TDRD5: variants seen among roughly 807,000 people sequenced by gnomAD.
TDRD5 encodes the protein tudor domain containing 5.
TDRD5 carries 41 observed loss-of-function variants against 120.6 expected under a neutral mutation model. The ratio of observed to expected loss-of-function variants is 0.34; its 90% CI spans 0.26 to 0.44. The LOEUF is 0.44. Ranked by LOEUF, TDRD5 falls within the 20% of genes least tolerant of loss-of-function variation. The pLI, the probability that TDRD5 is intolerant of heterozygous loss-of-function variation, is 1.00. For synonymous variants in TDRD5, 430 were observed against 433.7 expected (o/e 0.99, Z 0.11); for missense variants, 1,006 against 1,221.2 (o/e 0.82, Z 2.63).
At chr1:179,616,238 A>G (rs1185709485) in intron 4 of TDRD5, among the ~76,000 whole-genome samples, 1 of 152,138 alleles carries the variant, frequency 6.6e-6, no homozygotes, top group African/African-American at 2.4e-5. Context: ...ATTAAAAAAC[A>G]ACAAAAGCCT....
intron 17 of TDRD5, among the ~76,000 whole-genome samples, chr1:179,684,410 G>A (rs1416475363): frequency 6.6e-6 from 1 of 152,156 alleles, no homozygotes; most frequent in Non-Finnish European, 1.5e-5. Context: ...GTATTCCATG[G>A]TGTATATGTG....
chr1:179,652,626 C>T lies in TDRD5; in HGVS notation c.2160+429C>T, dbSNP rs371149205. 1.1e-4 allele frequency among the ~76,000 whole-genome samples: 17 copies of T among 152,328 alleles called. No homozygotes were observed. The South Asian group carries it at 1.4e-3, about 13-fold the overall frequency. Reference sequence around the variant, plus strand: ...AGCATTATTTATCGAACTTGTACCACATGGCAGGCACTGTTAAAAGCATTC... The same window carrying T: ...AGCATTATTTATCGAACTTGTACCATATGGCAGGCACTGTTAAAAGCATTC... On this transcript the variant is annotated intron_variant, in intron 13 of 17. Coordinates refer to ENST00000444136, the MANE Select transcript of TDRD5 (RefSeq NM_001199085.3).
chr1:179,606,684 T>C (rs1266787867), intron 4 of TDRD5, among the ~76,000 whole-genome samples: 2 of 152,070 alleles, frequency 1.3e-5, no homozygotes, highest in Non-Finnish European at 2.9e-5. Flanking sequence ...TGTTCAATTC[T>C]AGTACCATTT....
chr1:179,625,740 A>G (rs1445511797), intron 6 of TDRD5, among the ~76,000 whole-genome samples: 3 of 152,234 alleles, frequency 2.0e-5, no homozygotes, highest in Admixed American at 2.0e-4. Context: ...AAAACTGGAA[A>G]TAAGCCTACT....
rs1305728492 is a variant in TDRD5, at chr1:179,593,548, A to C, written c.321A>C (p.Gly107=). 1.2e-6 allele frequency: 2 copies of C among 1,614,072 alleles called. No individual in the cohort carries two copies. Among genetic ancestry groups the C allele is most frequent in the Admixed American group, 3.3e-5 (2 of 60,010 alleles). The change falls in exon 3 of 18, where the codon GGA becomes GGC. Residue 107 remains glycine, a synonymous_variant. Coordinates refer to ENST00000444136, the MANE Select transcript of TDRD5 (RefSeq NM_001199085.3). The part of the protein sequence containing the change: ...SHKLRNSMHK[G]RPSIYSGPRS... ...AGCTTCGAAACTCAATGCATAAGGG[A>C]AGACCTAGTATTTATTCTGGACCGA...
At chr1:179,666,361 A>G (rs1173277732) in intron 16 of TDRD5, among the ~76,000 whole-genome samples, 2 of 151,978 alleles carry the variant, frequency 1.3e-5, no homozygotes, top group African/African-American at 2.4e-5. Flanking sequence ...ATGAATATCT[A>G]TTTTTAAGAT....
chr1:179,613,853 C>G (rs1676415619), intron 4 of TDRD5, among the ~76,000 whole-genome samples: 1 of 152,144 alleles, frequency 6.6e-6, no homozygotes, highest in Non-Finnish European at 1.5e-5. Context: ...TAGCATATAC[C>G]TAACAAATAT....
intron 7 of TDRD5, among the ~76,000 whole-genome samples, chr1:179,631,187 T>C (rs1005739679): frequency 2.0e-5 from 3 of 152,192 alleles, no homozygotes; most frequent in Non-Finnish European, 4.4e-5. Context: ...GTCAGGCGAT[T>C]GAGACCATCC....
chr1:179,662,603 A>C (rs948949985), intron 15 of TDRD5, among the ~76,000 whole-genome samples: 3 of 152,172 alleles, frequency 2.0e-5, no homozygotes, highest in Non-Finnish European at 4.4e-5. Flanking sequence ...ATCTAAAAAA[A>C]AATAGGAAAA....
intron 5 of TDRD5, among the ~76,000 whole-genome samples, chr1:179,619,535 C>T (rs1270209653): frequency 6.6e-6 from 1 of 152,026 alleles, no homozygotes; most frequent in East Asian, 1.9e-4. Context: ...AGGAGAGATG[C>T]AAAAACCTTG....
intron 9 of TDRD5, 81 bp from the exon 10 acceptor site, chr1:179,639,758 T>G: frequency 6.8e-7 from 1 of 1,474,444 alleles, no homozygotes; most frequent in Non-Finnish European, 9.2e-7. Context: ...TTGCCAAGAC[T>G]TTCTGGCTTG....
intron 16 of TDRD5, among the ~76,000 whole-genome samples, 158 bp from the exon 17 acceptor site, chr1:179,669,036 G>A (rs900542550): frequency 6.6e-6 from 1 of 151,972 alleles, no homozygotes; most frequent in Non-Finnish European, 1.5e-5. Context: ...GAGCCACCGC[G>A]CCCGGCTGAG....
intron 17 of TDRD5, among the ~76,000 whole-genome samples, chr1:179,680,597 C>A (rs1441307118): frequency 6.6e-6 from 1 of 152,188 alleles, no homozygotes; most frequent in Non-Finnish European, 1.5e-5. Flanking sequence ...CTCCAAATTT[C>A]TTTTGATTTG....
At chr1:179,637,527 G>A (rs1253507099) in intron 9 of TDRD5, among the ~76,000 whole-genome samples, 3 of 152,060 alleles carry the variant, frequency 2.0e-5, no homozygotes, top group African/African-American at 4.8e-5. Flanking sequence ...TGGGAGGATC[G>A]CTTGAGCCCA....
At chr1:179,628,148 C>T (rs1338385941) in intron 6 of TDRD5, among the ~76,000 whole-genome samples, 1 of 151,894 alleles carries the variant, frequency 6.6e-6, no homozygotes, top group Non-Finnish European at 1.5e-5. Context: ...GTTTGTACTG[C>T]AAGATTGTCA....
At chr1:179,593,335 T>C in intron 2 of TDRD5, 125 bp from the exon 3 acceptor site, 2 of 1,063,204 alleles carry the variant, frequency 1.9e-6, no homozygotes, top group South Asian at 1.8e-5. Context: ...CAAGAGTTAC[T>C]GTTTATCGTG....
chr1:179,626,808 TATTAAACAGGC>T (rs1677154732), intron 6 of TDRD5, among the ~76,000 whole-genome samples: 1 of 152,010 alleles, frequency 6.6e-6, no homozygotes, highest in East Asian at 1.9e-4. Context: ...AAATGACAGG[TATTAAACAGGC>T]AAAGAAGAGC....
intron 17 of TDRD5, among the ~76,000 whole-genome samples, chr1:179,680,302 A>AAG (rs1558427716): frequency 1.3e-5 from 2 of 152,226 alleles, no homozygotes; most frequent in Admixed American, 6.5e-5. Flanking sequence ...TCATAATATC[A>AAG]AGTCAAGGTG....
chr1:179,654,125 C>T (rs1320580038), intron 13 of TDRD5, 76 bp from the exon 14 acceptor site: 1 of 1,277,778 alleles, frequency 7.8e-7, no homozygotes, highest in Non-Finnish European at 1.0e-6. Context: ...AACTTCCCCC[C>T]AAAATGTATA....
Sources: gnomAD v4.1 joint callset for allele counts (sites outside exome capture counted in the v4.1 genomes callset) on GRCh38, gnomAD v4.1.1 for gene constraint, MANE v1.5 for transcripts, NCBI Gene and HGNC (gene_info 2026-07-23, HGNC 2026-07-21) for gene names.